The following ROR2 variants were observed in gnomAD, a reference collection of about 807,000 sequenced individuals.
ROR2 encodes the protein ROR family WNT receptor 2, also known as tyrosine-protein kinase transmembrane receptor ROR2.
ROR2 carries 33 observed loss-of-function variants against 74.9 expected under a neutral mutation model. The ratio of observed to expected loss-of-function variants is 0.44; its 90% CI spans 0.33 to 0.59. The LOEUF (loss-of-function observed/expected upper bound fraction) is 0.59. Among genes scored for constraint, ROR2 ranks in the 20% least tolerant of loss-of-function variants. ROR2 has a pLI of 0.02. For synonymous variants in ROR2, 586 were observed against 558.7 expected, an observed-to-expected ratio of 1.05 and a Z score of -0.69; for missense variants, 1,216 against 1,313.8, an observed-to-expected ratio of 0.93 and a Z score of 1.15.
chr9:91,904,560 G>A, intron 1 of ROR2, among the ~76,000 whole-genome samples: 1 of 152,214 alleles, frequency 6.6e-6, no homozygotes, highest in South Asian at 2.1e-4. Flanking sequence ...GCCTTGTGGA[G>A]CAAGGAAGTG....
At chr9:91,758,720 G>A (rs191577307) in intron 2 of ROR2, among the ~76,000 whole-genome samples, 31 of 152,334 alleles carry the variant, frequency 2.0e-4, no homozygotes, top group African/African-American at 5.8e-4. Context: ...GCTCTAGGGG[G>A]CAACGCAAGG....
Position 91,905,057 on chromosome 9 carries a change from CACAG to C in ROR2, c.97+44806_97+44809del, listed in dbSNP as rs1270848349. 3.5e-5 allele frequency among the ~76,000 whole-genome samples: 3 copies of C among 84,872 alleles called. No individual in the cohort carries two copies. Among genetic ancestry groups the C allele is most frequent in the Admixed American group, 1.9e-4 (1 of 5,196 alleles). The allele number at this position is 84,872 out of a possible 152,430, so 55.7% of individuals were successfully genotyped here. A position where few individuals can be genotyped will look rare whatever the true frequency, so the allele number is the denominator to read the frequency against. ...TAACATATACGCAAACATCACACCACACAGACATACAACATATACCACACACAGC... is the reference window on the plus strand; with the variant it reads ...TAACATATACGCAAACATCACACCACACATACAACATATACCACACACAGC... On this transcript the variant is annotated intron_variant, in intron 1 of 8. Transcript: ENST00000375708. The surrounding 1 kb of genome is among the most constrained non-coding windows in gnomAD (Gnocchi z 5.3).
At chr9:91,748,451 A>C (rs1278586726) in intron 4 of ROR2, among the ~76,000 whole-genome samples, 1 of 152,250 alleles carries the variant, frequency 6.6e-6, no homozygotes, top group Non-Finnish European at 1.5e-5. Context: ...TGAATACATA[A>C]AGGTGGGAAT....
intron 1 of ROR2, among the ~76,000 whole-genome samples, chr9:91,839,288 G>T (rs928686785): frequency 4.2e-5 from 6 of 143,678 alleles, no homozygotes; most frequent in African/African-American, 7.8e-5. Flanking sequence ...GTGTGTGTGT[G>T]TGTGTGTAAG....
At chr9:91,833,807 C>G (rs1828539142) in intron 1 of ROR2, among the ~76,000 whole-genome samples, 1 of 152,142 alleles carries the variant, frequency 6.6e-6, no homozygotes, top group Non-Finnish European at 1.5e-5. Flanking sequence ...GACCCGAGTC[C>G]TGCTGCAAGA....
intron 1 of ROR2, among the ~76,000 whole-genome samples, chr9:91,780,894 A>G (rs1826597214): frequency 6.6e-6 from 1 of 152,226 alleles, no homozygotes; most frequent in Non-Finnish European, 1.5e-5. Flanking sequence ...CAGCAGTCAC[A>G]CCATTAAGCA....
chr9:91,789,118 T>A (rs1826891501), intron 1 of ROR2, among the ~76,000 whole-genome samples: 1 of 152,166 alleles, frequency 6.6e-6, no homozygotes, highest in Non-Finnish European at 1.5e-5. Flanking sequence ...GTTACCACAA[T>A]GAAATAATAA....
At chr9:91,756,865 C>CAGGT (rs1355479033) in intron 3 of ROR2, among the ~76,000 whole-genome samples, 1 of 151,296 alleles carries the variant, frequency 6.6e-6, no homozygotes, top group African/African-American at 2.4e-5. Flanking sequence ...ATTCTCCTGC[C>CAGGT]TCAGCCTCCT....
intron 1 of ROR2, among the ~76,000 whole-genome samples, chr9:91,902,536 T>C (rs1325556367): frequency 2.0e-5 from 3 of 152,062 alleles, no homozygotes; most frequent in Non-Finnish European, 4.4e-5. Flanking sequence ...CCTCCTGAAC[T>C]GCCAAGGATC....
At chr9:91,862,187 G>A (rs11792593) in intron 1 of ROR2, among the ~76,000 whole-genome samples, 10,828 of 152,190 alleles carry the variant, frequency 0.071, 451 homozygotes, top group Middle Eastern at 0.13. Context: ...AAAATTAGCC[G>A]GGTGTGGTGG....
intron 2 of ROR2, among the ~76,000 whole-genome samples, chr9:91,767,216 A>G (rs574931055): frequency 1.2e-4 from 19 of 152,156 alleles, no homozygotes; most frequent in African/African-American, 4.3e-4. Context: ...CTGGGATTAT[A>G]GGCATGCACC....
chr9:91,813,480 C>T (rs1003840724), intron 1 of ROR2, among the ~76,000 whole-genome samples: 8 of 152,178 alleles, frequency 5.3e-5, no homozygotes, highest in African/African-American at 1.9e-4. Context: ...GCACTCAGGG[C>T]CCACTGGGTG....
At chr9:91,813,407 C>T (rs1028569728) in intron 1 of ROR2, among the ~76,000 whole-genome samples, 1 of 152,166 alleles carries the variant, frequency 6.6e-6, no homozygotes, top group African/African-American at 2.4e-5. Context: ...GTTGTTTAAA[C>T]AGTAACCAGA....
intron 1 of ROR2, among the ~76,000 whole-genome samples, chr9:91,941,188 G>A (rs527630534): frequency 4.0e-4 from 60 of 151,370 alleles, no homozygotes; most frequent in Non-Finnish European, 7.2e-4. Flanking sequence ...TAGTAGAGAC[G>A]GGGTTTCACC....
chr9:91,884,032 G>A (rs374441854), intron 1 of ROR2, among the ~76,000 whole-genome samples: 5 of 152,140 alleles, frequency 3.3e-5, no homozygotes, highest in Admixed American at 6.6e-5. Flanking sequence ...ATCCTACCAC[G>A]GAGCTAGAAC....
At chr9:91,842,132 GAAGT>G (rs770881566) in intron 1 of ROR2, among the ~76,000 whole-genome samples, 3 of 152,162 alleles carry the variant, frequency 2.0e-5, no homozygotes, top group Non-Finnish European at 2.9e-5. Context: ...GAGAGAAAGA[GAAGT>G]AAGGAAAGAA....
At chr9:91,935,385 T>C (rs1449271700) in intron 1 of ROR2, among the ~76,000 whole-genome samples, 1 of 152,144 alleles carries the variant, frequency 6.6e-6, no homozygotes, top group Non-Finnish European at 1.5e-5. Flanking sequence ...GGAACAAAAG[T>C]GAGAGAGCTC....
At chr9:91,949,673 T>C (rs750793154) in intron 1 of ROR2, among the ~76,000 whole-genome samples, 194 bp downstream of exon 1, 1 of 151,994 alleles carries the variant, frequency 6.6e-6, no homozygotes, top group African/African-American at 2.4e-5. Context: ...GCGCGGCTTA[T>C]TGTAACCAGC....
intron 7 of ROR2, among the ~76,000 whole-genome samples, chr9:91,727,514 C>T (rs1048108987): frequency 6.6e-6 from 1 of 152,006 alleles, no homozygotes; most frequent in Non-Finnish European, 1.5e-5. Context: ...AGATTCTGAG[C>T]AGGACTCCAG....
Sources: allele counts gnomAD v4.1 joint callset (sites outside exome capture counted in the v4.1 genomes callset), GRCh38; gene constraint gnomAD v4.1.1; non-coding constraint Gnocchi (gnomAD v3.1); transcripts MANE v1.5; gene names NCBI Gene and HGNC (gene_info 2026-07-23, HGNC 2026-07-21).